Variants in CCDC141 observed in about 807,000 individuals in gnomAD.
The protein encoded by CCDC141 is coiled-coil domain-containing protein 141.
Under a neutral mutation model 181.0 loss-of-function variants are expected in CCDC141, and 168 were observed. That is an observed-to-expected ratio of 0.93 (90% CI 0.82 to 1.05). The LOEUF is 1.05. Ranked by LOEUF, CCDC141 falls within the 50% of genes least tolerant of loss-of-function variation. CCDC141 has a pLI of 0.00. For synonymous variants in CCDC141, 666 were observed against 642.3 expected (o/e 1.04, Z -0.56); for missense variants, 1,902 against 1,788.5 (o/e 1.06, Z -1.14).
chr2:178,982,242 A>G (rs1691450345), intron 2 of CCDC141, among the ~76,000 whole-genome samples: 1 of 152,236 alleles, frequency 6.6e-6, no homozygotes, highest in African/African-American at 2.4e-5. Context: ...TAAAGCTACT[A>G]AATAAATTCA....
At chr2:178,952,483 T>A (rs899573339) in intron 5 of CCDC141, among the ~76,000 whole-genome samples, 1 of 152,186 alleles carries the variant, frequency 6.6e-6, no homozygotes, top group African/African-American at 2.4e-5. Flanking sequence ...CCAAACAACA[T>A]CCCTAGTAAA....
At chr2:178,829,104 T>C (rs1684171513), downstream of CCDC141, among the ~76,000 whole-genome samples, 1 of 152,222 alleles carries the variant, frequency 6.6e-6, no homozygotes, top group African/African-American at 2.4e-5. Flanking sequence ...ACTATTATTG[T>C]TCTGGTTTAA....
At chr2:179,023,417 T>A (rs2042742146) in intron 2 of CCDC141, among the ~76,000 whole-genome samples, 1 of 152,232 alleles carries the variant, frequency 6.6e-6, no homozygotes, top group Non-Finnish European at 1.5e-5. Flanking sequence ...ACAAAACTGC[T>A]AAGTTATGTT....
At chr2:178,885,139 GAAC>G in intron 10 of CCDC141, 47 bp from the exon 11 acceptor site, 1 of 1,308,792 alleles carries the variant, frequency 7.6e-7, no homozygotes. Context: ...GGGGAATCAT[GAAC>G]ATTCACGTTT....
At chr2:178,940,671 A>C (rs1689472189) in intron 6 of CCDC141, among the ~76,000 whole-genome samples, 1 of 152,206 alleles carries the variant, frequency 6.6e-6, no homozygotes. Flanking sequence ...TCACAAAAAA[A>C]CCTAAAAGGA....
At chr2:179,015,065 G>T (rs1190770280) in intron 2 of CCDC141, among the ~76,000 whole-genome samples, 2 of 10,976 alleles carry the variant, frequency 1.8e-4, no homozygotes, top group Non-Finnish European at 4.2e-4. Context: ...GAGAGAGACA[G>T]AGATATATAT....
chr2:179,010,297 A>T (rs991472497), intron 2 of CCDC141, among the ~76,000 whole-genome samples: 1 of 152,180 alleles, frequency 6.6e-6, no homozygotes, highest in African/African-American at 2.4e-5. Flanking sequence ...AGAAGCACAA[A>T]GAACATCCAG....
Position 178,886,807 on chromosome 2 carries a change from C to A in CCDC141, c.1472G>T (p.Arg491Leu), listed in dbSNP as rs77071759. 22 of 1,477,550 alleles carry A rather than the reference C, an allele frequency of 1.5e-5. No homozygotes were observed. In the African/African-American group the frequency reaches 2.8e-4, roughly 19 times the overall value. 91.5% of individuals were successfully genotyped at this position (1,477,550 alleles called of 1,614,324 possible). A position where few individuals can be genotyped will look rare whatever the true frequency, so the allele number is the denominator to read the frequency against. ...ATTCAAAATCTTCTCTGATTCAGAA[C>A]GGGTAGAACCAACATCCATTGCATT... ...LSNAMDVGSTRSESEKILNKY... is the reference protein window; with the variant it reads ...LSNAMDVGSTLSESEKILNKY... Residue 491 changes from arginine to leucine, a missense_variant, in exon 10 of 24, where the codon CGT becomes CTT. Transcript: ENST00000443758.
At chr2:178,997,640 C>A (rs1235244138) in intron 2 of CCDC141, among the ~76,000 whole-genome samples, 2 of 152,272 alleles carry the variant, frequency 1.3e-5, no homozygotes, top group Non-Finnish European at 2.9e-5. Context: ...GATTGTCCCA[C>A]CAAATAGCAT....
At chr2:178,864,441 G>A (rs1685757870) in intron 17 of CCDC141, among the ~76,000 whole-genome samples, 1 of 152,162 alleles carries the variant, frequency 6.6e-6, no homozygotes, top group Non-Finnish European at 1.5e-5. Flanking sequence ...TCAAGTAGAG[G>A]GCAAATTACA....
chr2:178,898,829 G>A (rs2154372098), intron 8 of CCDC141, among the ~76,000 whole-genome samples: 1 of 152,142 alleles, frequency 6.6e-6, no homozygotes, highest in South Asian at 2.1e-4. Context: ...AAAAAAATCA[G>A]ATCAAAGGGC....
At chr2:178,828,407 A>G (rs1684156279), downstream of CCDC141, among the ~76,000 whole-genome samples, 1 of 152,056 alleles carries the variant, frequency 6.6e-6, no homozygotes, top group South Asian at 2.1e-4. Context: ...CCATTTTCTC[A>G]CCAGAAATTA....
chr2:178,846,345 G>C (rs1479550276), intron 21 of CCDC141, among the ~76,000 whole-genome samples: 1 of 152,150 alleles, frequency 6.6e-6, no homozygotes, highest in Non-Finnish European at 1.5e-5. Flanking sequence ...GTCAGTGCAA[G>C]AGCCGAGAAG....
intron 6 of CCDC141, among the ~76,000 whole-genome samples, chr2:178,927,028 T>C (rs4894067): frequency 2.0e-5 from 3 of 152,204 alleles, no homozygotes; most frequent in South Asian, 2.1e-4. Context: ...CTTGTAAAAT[T>C]TGTGTAACTA....
At chr2:178,971,165 A>C (rs1406620101) in intron 4 of CCDC141, among the ~76,000 whole-genome samples, 4 of 152,194 alleles carry the variant, frequency 2.6e-5, no homozygotes, top group Admixed American at 2.6e-4. Context: ...CTGAGATTGC[A>C]CCACTGCACT....
intron 4 of CCDC141, among the ~76,000 whole-genome samples, chr2:178,964,261 C>G (rs527792022): frequency 6.6e-6 from 1 of 152,160 alleles, no homozygotes; most frequent in South Asian, 2.1e-4. Context: ...CAGCTACACG[C>G]AAACACACAC....
intron 8 of CCDC141, among the ~76,000 whole-genome samples, chr2:178,892,573 A>G (rs1214595063): frequency 6.6e-6 from 1 of 152,084 alleles, no homozygotes; most frequent in Non-Finnish European, 1.5e-5. Context: ...CTTTTCCATT[A>G]GAAACTTTAT....
At chr2:178,982,817 C>T (rs984562861) in intron 2 of CCDC141, among the ~76,000 whole-genome samples, 1 of 152,140 alleles carries the variant, frequency 6.6e-6, no homozygotes, top group African/African-American at 2.4e-5. Flanking sequence ...AGGGTCCTAC[C>T]CCACAGAGTC....
At chr2:178,995,582 A>C (rs1692252484) in intron 2 of CCDC141, among the ~76,000 whole-genome samples, 2 of 152,236 alleles carry the variant, frequency 1.3e-5, no homozygotes, top group South Asian at 4.2e-4. Flanking sequence ...TTAATAAAGA[A>C]ATAAAATTTA....
Sources: allele counts gnomAD v4.1 joint callset (sites outside exome capture counted in the v4.1 genomes callset), GRCh38; gene constraint gnomAD v4.1.1; transcripts MANE v1.5; gene names NCBI Gene and HGNC (gene_info 2026-07-23, HGNC 2026-07-21).